Variants in TBX15 observed in about 807,000 individuals in gnomAD.
The protein encoded by TBX15 is T-box transcription factor 15.
In TBX15, 18 loss-of-function variants were observed where a neutral mutation model predicts 53.9. The observed-to-expected ratio is 0.33, with a 90% CI of 0.23 to 0.49. The LOEUF is 0.49. Among genes scored for constraint, TBX15 ranks in the 20% least tolerant of loss-of-function variants. The pLI, the probability that TBX15 is intolerant of heterozygous loss-of-function variation, is 0.98. For synonymous variants in TBX15, 295 were observed against 278.0 expected, an observed-to-expected ratio of 1.06 and a Z score of -0.61; for missense variants, 692 against 749.5, an observed-to-expected ratio of 0.92 and a Z score of 0.90.
At chr1:118,927,938 G>T (rs1478958709) in intron 2 of TBX15, among the ~76,000 whole-genome samples, 1 of 152,208 alleles carries the variant, frequency 6.6e-6, no homozygotes, top group African/African-American at 2.4e-5. Flanking sequence ...TTAACCATCT[G>T]GGGCTAGTTA....
chr1:118,944,241 AGGATGCTAACCCCAGGAT>A (rs1656274079), intron 1 of TBX15, among the ~76,000 whole-genome samples: 1 of 152,168 alleles, frequency 6.6e-6, no homozygotes, highest in African/African-American at 2.4e-5. Flanking sequence ...GAGTCATCAA[AGGATGCTAACCCCAGGAT>A]GGATTTTTTA....
chr1:118,973,513 T>C (rs1657307844), intron 1 of TBX15, among the ~76,000 whole-genome samples: 1 of 151,596 alleles, frequency 6.6e-6, no homozygotes, highest in Non-Finnish European at 1.5e-5. Flanking sequence ...AGTCTAAACC[T>C]ATACACATGC....
chr1:118,920,311 G>GA (rs1329781114), intron 5 of TBX15, among the ~76,000 whole-genome samples: 1 of 151,986 alleles, frequency 6.6e-6, no homozygotes, highest in Non-Finnish European at 1.5e-5. Flanking sequence ...ATTTGCAGCT[G>GA]AAAAAAGGAA....
intron 1 of TBX15, among the ~76,000 whole-genome samples, chr1:118,979,084 CG>C (rs1229288583): frequency 3.9e-5 from 6 of 152,212 alleles, no homozygotes; most frequent in Non-Finnish European, 7.3e-5. Flanking sequence ...AAGGATGCAT[CG>C]GGACAGGACT....
At chr1:118,934,195 T>C (rs931055060) in intron 1 of TBX15, among the ~76,000 whole-genome samples, 4 of 152,170 alleles carry the variant, frequency 2.6e-5, no homozygotes, top group Non-Finnish European at 5.9e-5. Flanking sequence ...AGGTCCTCAA[T>C]GTGCAATGAA....
intron 1 of TBX15, among the ~76,000 whole-genome samples, chr1:118,984,833 C>T (rs1018885196): frequency 3.9e-5 from 6 of 152,154 alleles, no homozygotes; most frequent in Non-Finnish European, 8.8e-5. Flanking sequence ...GCCTACAACG[C>T]GCAGGCCGGA....
intron 6 of TBX15, among the ~76,000 whole-genome samples, chr1:118,908,282 A>T (rs940526405): frequency 1.8e-4 from 27 of 152,220 alleles, no homozygotes; most frequent in African/African-American, 6.3e-4. Flanking sequence ...TGGAAAAAAA[A>T]TACAAGAACA....
chr1:118,968,399 G>C (rs1571212462), intron 1 of TBX15, among the ~76,000 whole-genome samples: 1 of 152,026 alleles, frequency 6.6e-6, no homozygotes, highest in Non-Finnish European at 1.5e-5. Flanking sequence ...TAGAGATGGG[G>C]TTTCACTATG....
chr1:118,965,591 A>G (rs980313565), intron 1 of TBX15, among the ~76,000 whole-genome samples: 1 of 152,206 alleles, frequency 6.6e-6, no homozygotes, highest in Non-Finnish European at 1.5e-5. Flanking sequence ...AATTTATTCT[A>G]TAAGTGCTAT....
intron 4 of TBX15, 86 bp from the exon 5 acceptor site, chr1:118,923,689 G>A (rs189336136): frequency 1.1e-5 from 17 of 1,509,764 alleles, no homozygotes; most frequent in Non-Finnish European, 1.6e-5. Context: ...CTAAGTTGAA[G>A]CACTATAGGA....
intron 1 of TBX15, among the ~76,000 whole-genome samples, chr1:118,978,729 G>C (rs1657523925): frequency 6.6e-6 from 1 of 152,126 alleles, no homozygotes; most frequent in Non-Finnish European, 1.5e-5. Flanking sequence ...TAAAGTTTCT[G>C]ATATATTTTA....
At chr1:118,891,162 A>G (rs1049217288) in intron 7 of TBX15, among the ~76,000 whole-genome samples, 2 of 152,208 alleles carry the variant, frequency 1.3e-5, no homozygotes, top group African/African-American at 4.8e-5. Flanking sequence ...TCAATCTTAG[A>G]AAGACTCCTA....
chr1:118,885,291 C>T lies in TBX15; in HGVS notation c.1250G>A (p.Ser417Asn), dbSNP rs775260261. 14 of 1,614,176 alleles carry T rather than the reference C, an allele frequency of 8.7e-6. No individual in the cohort carries two copies. Among genetic ancestry groups the T allele is most frequent in the Middle Eastern group, 1.6e-4 (1 of 6,062 alleles). Residue 417 changes from serine (S) to asparagine (N), a missense_variant, in exon 8 of 8, where the codon AGT (serine) becomes AAT (asparagine). Ser to Asn is a conservative substitution (Grantham distance 46). Coordinates refer to ENST00000369429, the MANE Select transcript of TBX15 (RefSeq NM_001330677.2). ...CTGAAGCCTGTTGTAGCCACTGTCA[C>T]TCAGCCCTGGGTAGCTCTGCAAGGC... ...MAALQSYPGL[S>N]DSGYNRLQSG...
intron 1 of TBX15, among the ~76,000 whole-genome samples, chr1:118,950,622 T>G (rs1288563679): frequency 1.3e-5 from 2 of 152,214 alleles, no homozygotes; most frequent in Admixed American, 1.3e-4. Context: ...GGTAGTGGAC[T>G]GAGCTGCCTG....
At chr1:118,950,090 T>C (rs1034632827) in intron 1 of TBX15, among the ~76,000 whole-genome samples, 3 of 152,192 alleles carry the variant, frequency 2.0e-5, no homozygotes, top group African/African-American at 7.2e-5. Flanking sequence ...ACCTTGCTTT[T>C]AACTTGATAA....
intron 1 of TBX15, among the ~76,000 whole-genome samples, chr1:118,968,063 T>C (rs939570971): frequency 6.6e-6 from 1 of 152,220 alleles, no homozygotes; most frequent in African/African-American, 2.4e-5. Context: ...ACTATTACAA[T>C]AGCATTACAA....
In TBX15 at chr1:118,885,124, G is replaced by A. The variant is rs1557868291; in HGVS notation, c.1417C>T (p.Pro473Ser). 6.2e-7 allele frequency: 1 copy of A among 1,614,206 alleles called. No homozygotes were observed. Among genetic ancestry groups the A allele is most frequent in the East Asian group, 2.2e-5 (1 of 44,872 alleles). The change falls in exon 8 of 8, where the codon CCC (proline) becomes TCC (serine). Residue 473 changes from proline to serine, a missense_variant. By Grantham distance (74) the Pro-to-Ser change is moderately conservative. Around this residue, in one of 3 missense-constraint regions of TBX15, gnomAD observed 375 missense variants for 371.6 expected, o/e 1.01. Coordinates refer to ENST00000369429, the MANE Select transcript of TBX15 (RefSeq NM_001330677.2). Reference sequence around the variant, plus strand: ...ATGACATACTGAAACTGGGAAGTGGGAAAGGACCCCAGCTGGCCACCGTAG... The same window carrying A: ...ATGACATACTGAAACTGGGAAGTGGAAAAGGACCCCAGCTGGCCACCGTAG... ...EAYGGQLGSF[P>S]TSQFQYVMQA...
chr1:118,896,712 T>C (rs146084427), intron 7 of TBX15, among the ~76,000 whole-genome samples: 6 of 152,288 alleles, frequency 3.9e-5, no homozygotes, highest in Non-Finnish European at 7.4e-5. Flanking sequence ...CTCTATTCCT[T>C]CTAAGATGCA....
chr1:118,893,328 A>AGGAAG lies in TBX15; in HGVS notation c.1024+5699_1024+5700insCTTCC, dbSNP rs71070771. On this transcript the variant is annotated intron_variant, in intron 7 of 7. Coordinates refer to ENST00000369429, the MANE Select transcript of TBX15 (RefSeq NM_001330677.2). ...AAGGAAGGAAGGAAAGAAAGAAAGAAGAAAGAAGGAAGGAAGGAAGGAAGG... is the reference window on the plus strand; with the variant it reads ...AAGGAAGGAAGGAAAGAAAGAAAGAAGGAAGGAAAGAAGGAAGGAAGGAAGGAAGG... Among the ~76,000 whole-genome samples, 15 of 91,956 alleles carry AGGAAG rather than the reference A, an allele frequency of 1.6e-4. 2 individuals carry two copies. The highest frequency in any genetic ancestry group is 8.1e-4 in the African/African-American group (12 of 14,830). 60.3% of individuals were successfully genotyped at this position (91,956 alleles called of 152,430 possible).
Sources: gnomAD v4.1 joint callset for allele counts (sites outside exome capture counted in the v4.1 genomes callset) on GRCh38, gnomAD v4.1.1 for gene constraint, gnomAD v4.1.1 regional missense constraint, MANE v1.5 for transcripts, NCBI Gene and HGNC (gene_info 2026-07-23, HGNC 2026-07-21) for gene names.